CRYBG1: variants seen among roughly 807,000 people sequenced by gnomAD.
CRYBG1 encodes the protein beta/gamma crystallin domain-containing protein 1.
CRYBG1 carries 139 observed loss-of-function variants against 189.2 expected under a neutral mutation model. The ratio of observed to expected loss-of-function variants is 0.73; its 90% CI spans 0.64 to 0.85. The LOEUF is 0.85. Among genes scored for constraint, CRYBG1 ranks in the 40% least tolerant of loss-of-function variants. The pLI, the probability that CRYBG1 is intolerant of heterozygous loss-of-function variation, is 0.00. For synonymous variants in CRYBG1, 1,023 were observed against 1,017.1 expected (o/e 1.01, Z -0.11); for missense variants, 2,611 against 2,675.8 (o/e 0.98, Z 0.53).
rs1057485425 is a variant in CRYBG1, at chr6:106,511,930, C to A, written c.813C>A (p.Pro271=). ...NSSRQENAET[P]ARSPGEDASP... Reference sequence around the variant, plus strand: ...CCAGGCAAGAGAACGCAGAGACGCCCGCCCGCAGTCCGGGGGAGGACGCTT... The same window carrying A: ...CCAGGCAAGAGAACGCAGAGACGCCAGCCCGCAGTCCGGGGGAGGACGCTT... The change falls in exon 3 of 22, where the codon CCC becomes CCA. Residue 271 remains proline (P), a synonymous_variant. Coordinates refer to ENST00000633556, the MANE Select transcript of CRYBG1 (RefSeq NM_001371242.2). The A allele has an allele frequency of 1.3e-6, 2 of 1,525,130 alleles. No individual in the cohort carries two copies. The highest frequency in any genetic ancestry group is 4.0e-5 in the Admixed American group (2 of 50,006). The allele number at this position is 1,525,130 out of a possible 1,614,324, so 94.5% of individuals were successfully genotyped here. A position where few individuals can be genotyped will look rare whatever the true frequency, so the allele number is the denominator to read the frequency against.
At chr6:106,384,536 G>A (rs1049258768) in intron 1 of CRYBG1, among the ~76,000 whole-genome samples, 32 of 152,006 alleles carry the variant, frequency 2.1e-4, no homozygotes, top group Non-Finnish European at 2.8e-4. Flanking sequence ...CTCGAATTGC[G>A]TTGTTTATGT....
chr6:106,531,885 A>G (rs1436011548), intron 8 of CRYBG1, among the ~76,000 whole-genome samples: 3 of 152,172 alleles, frequency 2.0e-5, no homozygotes, highest in African/African-American at 7.2e-5. Context: ...AGGGAGGACT[A>G]TAGTGATGGT....
intron 2 of CRYBG1, among the ~76,000 whole-genome samples, chr6:106,452,510 CT>C (rs1448838398): frequency 1.3e-5 from 2 of 151,730 alleles, no homozygotes; most frequent in Non-Finnish European, 2.9e-5. Context: ...TTGTAGGTGC[CT>C]TTTGCGCGCC....
intron 6 of CRYBG1, among the ~76,000 whole-genome samples, chr6:106,526,962 G>GAAAA (rs1773752775): frequency 8.6e-6 from 1 of 116,768 alleles, no homozygotes; most frequent in Non-Finnish European, 1.9e-5. Context: ...AAAAAAAAGA[G>GAAAA]ACAAAAAAAA....
chr6:106,442,666 A>G lies in CRYBG1; in HGVS notation c.174-9028A>G, dbSNP rs149486264. Among the ~76,000 whole-genome samples the G allele has an allele frequency of 1.6e-3, 246 of 152,322 alleles. 1 individual carries two copies. The highest frequency in any genetic ancestry group is 5.5e-3 in the African/African-American group (227 of 41,580). On this transcript the variant is annotated intron_variant, in intron 1 of 21. Coordinates refer to ENST00000633556, the MANE Select transcript of CRYBG1 (RefSeq NM_001371242.2). ...TCTTCATGAATCAAACCACCTTTGC[A>G]GAAAGCGCTTTGTATTCACTCAGCC...
In CRYBG1 at chr6:106,511,871, G is replaced by A. The variant is rs192797756; in HGVS notation, c.754G>A (p.Ala252Thr). 35 of 1,518,798 alleles carry A rather than the reference G, an allele frequency of 2.3e-5. No individual in the cohort carries two copies. In the East Asian group the frequency reaches 7.9e-4, roughly 34 times the overall value. 94.1% of individuals were successfully genotyped at this position (1,518,798 alleles called of 1,614,324 possible). The change falls in exon 3 of 22, where the codon GCC becomes ACC. Residue 252 changes from alanine (A) to threonine (T), a missense_variant. Around this residue, in one of 3 missense-constraint regions of CRYBG1, gnomAD observed 985 missense variants for 924.4 expected, o/e 1.07. Transcript: ENST00000633556. ...GEPFPDATTT[A>T]KQLHSSPGNS... ...GCCTTTCCCAGATGCCACCACCACT[G>A]CCAAGCAGCTGCATTCCTCGCCGGG...
intron 6 of CRYBG1, 48 bp downstream of exon 6, chr6:106,525,434 A>G (rs777914335): frequency 6.8e-7 from 1 of 1,465,714 alleles, no homozygotes; most frequent in Non-Finnish European, 9.6e-7. Flanking sequence ...TGAGTTTTAC[A>G]TACTTAATTA....
intron 1 of CRYBG1, among the ~76,000 whole-genome samples, chr6:106,392,928 C>T (rs1487926043): frequency 2.0e-5 from 3 of 152,016 alleles, no homozygotes; most frequent in Non-Finnish European, 4.4e-5. Context: ...GTGCGTGCCA[C>T]CACACTTGGC....
At position 106,423,694 on chromosome 6, in the gene CRYBG1, C is replaced by CTTTTT. The variant is rs1350862841; in HGVS notation, c.174-28000_174-27999insTTTTT. Among the ~76,000 whole-genome samples, 56 of 101,240 alleles carry CTTTTT rather than the reference C, an allele frequency of 5.5e-4. 16 individuals carry two copies. Among genetic ancestry groups the CTTTTT allele is most frequent in the African/African-American group, 1.9e-3 (44 of 23,638 alleles). The allele number at this position is 101,240 out of a possible 152,430, so 66.4% of individuals were successfully genotyped here. A position where few individuals can be genotyped will look rare whatever the true frequency, so the allele number is the denominator to read the frequency against. On this transcript the variant is annotated intron_variant, in intron 1 of 21. Coordinates refer to ENST00000633556, the MANE Select transcript of CRYBG1 (RefSeq NM_001371242.2). ...CCCTCCAGTCCTCAGTTCTCCCTCC[C>CTTTTT]CTTTTTTTTTTTTTTTTTTTTTTTT... is the stretch of plus-strand genomic sequence containing the variant.
At chr6:106,492,622 C>T (rs1227824249) in intron 2 of CRYBG1, among the ~76,000 whole-genome samples, 1 of 152,112 alleles carries the variant, frequency 6.6e-6, no homozygotes, top group Non-Finnish European at 1.5e-5. Flanking sequence ...CAAACGCCAC[C>T]TTCTCAACAA....
Position 106,568,773 on chromosome 6 carries a change from CCTT to C in CRYBG1, c.*208_*210del. On this transcript the variant is annotated 3_prime_UTR_variant, in exon 22 of 22. Transcript: ENST00000633556. ...TAGCTTTAAACCAATAATTTGTCCT[CCTT>C]TCATTTCTTGCCTTTCATTTTTGGT... 2.2e-6 allele frequency: 1 copy of C among 459,642 alleles called. No individual in the cohort carries two copies. Among genetic ancestry groups the C allele is most frequent in the Non-Finnish European group, 3.9e-6 (1 of 257,320 alleles). 28.5% of individuals were successfully genotyped at this position (459,642 alleles called of 1,614,324 possible).
At position 106,569,532 on chromosome 6, in the gene CRYBG1, A is replaced by ATTATT. The variant is rs1014941660; in HGVS notation, c.*970_*974dup. On this transcript the variant is annotated 3_prime_UTR_variant, in exon 22 of 22. Transcript: ENST00000633556. Reference sequence around the variant, plus strand: ...GCCACTGCGCCCAGCCAGGATTTGAATTATTTTAACTCATCCATGGGCTGC... The same window carrying ATTATT: ...GCCACTGCGCCCAGCCAGGATTTGAATTATTTTATTTTAACTCATCCATGGGCTGC... 6.6e-6 allele frequency: 1 copy of ATTATT among 152,166 alleles called. No individual in the cohort carries two copies. Among genetic ancestry groups the ATTATT allele is most frequent in the African/African-American group, 2.4e-5 (1 of 41,426 alleles). The allele number at this position is 152,166 out of a possible 1,614,324, so 9.4% of individuals were successfully genotyped here. A position where few individuals can be genotyped will look rare whatever the true frequency, so the allele number is the denominator to read the frequency against.
chr6:106,545,710 ACT>A (rs1380284564), intron 13 of CRYBG1, among the ~76,000 whole-genome samples: 1 of 150,752 alleles, frequency 6.6e-6, no homozygotes, highest in Non-Finnish European at 1.5e-5. Context: ...GCAGAGTTTC[ACT>A]CTGCCACCCA....
intron 2 of CRYBG1, among the ~76,000 whole-genome samples, chr6:106,496,715 AT>A (rs1554186516): frequency 6.6e-6 from 1 of 152,188 alleles, no homozygotes; most frequent in Non-Finnish European, 1.5e-5. Context: ...AGGAGGAGGT[AT>A]TTTGGCCAGG....
chr6:106,518,975 G>GCGCGCA (rs1554188403), intron 3 of CRYBG1, among the ~76,000 whole-genome samples, 156 bp from the exon 4 acceptor site: 19 of 134,288 alleles, frequency 1.4e-4, no homozygotes, highest in African/African-American at 3.3e-4. Flanking sequence ...ACATGTGTGC[G>GCGCGCA]CACACACACA....
At chr6:106,405,474 G>A (rs11963189) in intron 1 of CRYBG1, among the ~76,000 whole-genome samples, 4,809 of 152,274 alleles carry the variant, frequency 0.032, 260 homozygotes, top group African/African-American at 0.11. Flanking sequence ...AGACTTAAAC[G>A]TTCCTGCCTG....
rs758733035 is a variant in CRYBG1 at position 106,511,675 on chromosome 6, G to A, written c.558G>A (p.Pro186=). 41 of 1,535,552 alleles carry A rather than the reference G, an allele frequency of 2.7e-5. No individual in the cohort carries two copies. Among genetic ancestry groups the A allele is most frequent in the Non-Finnish European group, 3.5e-5 (40 of 1,146,642 alleles). Residue 186 remains proline (P), a synonymous_variant, in exon 3 of 22, where the codon CCG becomes CCA. Transcript: ENST00000633556. ...CGGACACAAGCGAGGAGGGCTCCCCGCGGGAGAATCCCCGAGAGGCAGAGG... is the reference window on the plus strand; with the variant it reads ...CGGACACAAGCGAGGAGGGCTCCCCACGGGAGAATCCCCGAGAGGCAGAGG... ...KQTDTSEEGS[P]RENPREAEGE...
At chr6:106,517,178 T>G (rs1381495071) in intron 3 of CRYBG1, among the ~76,000 whole-genome samples, 1 of 150,952 alleles carries the variant, frequency 6.6e-6, no homozygotes, top group African/African-American at 2.4e-5. Flanking sequence ...CTGGCTAATT[T>G]TTTTGTTTGT....
At chr6:106,449,011 C>G (rs1394788516) in intron 1 of CRYBG1, among the ~76,000 whole-genome samples, 1 of 152,112 alleles carries the variant, frequency 6.6e-6, no homozygotes, top group East Asian at 1.9e-4. Flanking sequence ...TCAGTCTACC[C>G]CTTTTGTTTT....
Sources: allele counts gnomAD v4.1 joint callset (sites outside exome capture counted in the v4.1 genomes callset), GRCh38; gene constraint gnomAD v4.1.1; regional missense constraint gnomAD v4.1.1; transcripts MANE v1.5; gene names NCBI Gene and HGNC (gene_info 2026-07-23, HGNC 2026-07-21).